The following NRXN3 variants were observed in gnomAD, a reference collection of about 807,000 sequenced individuals.
The protein encoded by NRXN3 is neurexin 3, also known as neurexin III.
Under a neutral mutation model 137.6 loss-of-function variants are expected in NRXN3, and 32 were observed. The ratio of observed to expected loss-of-function variants is 0.23; its 90% CI spans 0.18 to 0.31. NRXN3 has a LOEUF of 0.31. NRXN3 is among the 10% of genes least tolerant of loss of function. The pLI is 1.00. For missense variants in NRXN3, 1,574 were observed against 2,062.5 expected, an observed-to-expected ratio of 0.76 and a Z score of 4.59; for synonymous variants, 798 against 784.5, an observed-to-expected ratio of 1.02 and a Z score of -0.29.
At chr14:79,236,304 G>A (rs1487065429) in intron 15 of NRXN3, among the ~76,000 whole-genome samples, 1 of 151,848 alleles carries the variant, frequency 6.6e-6, no homozygotes, top group Admixed American at 6.6e-5. Flanking sequence ...GGTGTATATA[G>A]GTAGGTATAT....
chr14:78,794,606 T>TTGTGTG (rs144494895), intron 8 of NRXN3, among the ~76,000 whole-genome samples: 280 of 147,088 alleles, frequency 1.9e-3, no homozygotes, highest in African/African-American at 6.7e-3. Flanking sequence ...TCTATTCTAT[T>TTGTGTG]TGTGTGTGTG....
At chr14:78,504,130 T>A (rs1567781711) in intron 4 of NRXN3, among the ~76,000 whole-genome samples, 2 of 152,174 alleles carry the variant, frequency 1.3e-5, no homozygotes, top group Non-Finnish European at 2.9e-5. Context: ...GTTGATCTAT[T>A]TGTACACTTT....
At chr14:79,651,761 G>A (rs1423953234) in intron 16 of NRXN3, among the ~76,000 whole-genome samples, 1 of 152,154 alleles carries the variant, frequency 6.6e-6, no homozygotes, top group Non-Finnish European at 1.5e-5. Context: ...GTCTTCTCCA[G>A]ATAGGAAAGT....
chr14:78,967,260 A>G lies in NRXN3; in HGVS notation c.2830A>G (p.Asn944Asp), dbSNP rs748479982. Residue 944 changes from asparagine to aspartate, a missense_variant, in exon 13 of 21, where the codon AAC (asparagine) becomes GAC (aspartate). Around this residue, in one of 5 missense-constraint regions of NRXN3, gnomAD observed 718 missense variants for 887.6 expected, o/e 0.81. Coordinates refer to ENST00000335750, the MANE Select transcript of NRXN3 (RefSeq NM_001330195.2). The part of the protein sequence containing the change: ...LGNGPNVIKG[N>D]SDRPLNDNQW... ...AAACGGTCCCAATGTGATCAAAGGC[A>G]ACAGTGACCGCCCCCTGAATGACAA... is the stretch of plus-strand genomic sequence containing the variant. The G allele has an allele frequency of 1.2e-6, 2 of 1,613,718 alleles. No individual in the cohort carries two copies. Among genetic ancestry groups the G allele is most frequent in the Non-Finnish European group, 8.5e-7 (1 of 1,179,956 alleles).
At chr14:79,330,705 A>C (rs1477317026) in intron 15 of NRXN3, among the ~76,000 whole-genome samples, 1 of 152,178 alleles carries the variant, frequency 6.6e-6, no homozygotes, top group Non-Finnish European at 1.5e-5. Flanking sequence ...GAAAGCATAG[A>C]GAAGAGAAAG....
intron 2 of NRXN3, among the ~76,000 whole-genome samples, chr14:78,260,843 T>C (rs1567108806): frequency 6.6e-6 from 1 of 152,168 alleles, no homozygotes; most frequent in Non-Finnish European, 1.5e-5. Context: ...AGCTTAAGAG[T>C]AGACTAATAC....
rs147076312 is a variant in NRXN3, at chr14:78,656,911, G to A, written c.1221+5585G>A. On this transcript the variant is annotated intron_variant, in intron 6 of 20. Coordinates refer to ENST00000335750, the MANE Select transcript of NRXN3 (RefSeq NM_001330195.2). ...ACAAAATCAAAATTAGCTGGGCGTG[G>A]TGGCGGGCACCTGTAGTCCCAGCTA... 6.6e-3 allele frequency among the ~76,000 whole-genome samples: 1,005 copies of A among 151,956 alleles called. 10 individuals carry two copies. Among genetic ancestry groups the A allele is most frequent in the African/African-American group, 0.023 (941 of 41,446 alleles).
intron 10 of NRXN3, among the ~76,000 whole-genome samples, chr14:78,894,256 C>A (rs1440138225): frequency 6.6e-6 from 1 of 151,954 alleles, no homozygotes; most frequent in Non-Finnish European, 1.5e-5. Context: ...AGAATGAATT[C>A]ACTCAAAACT....
intron 15 of NRXN3, among the ~76,000 whole-genome samples, chr14:79,081,724 G>A (rs549644169): frequency 6.6e-6 from 1 of 152,006 alleles, no homozygotes; most frequent in Non-Finnish European, 1.5e-5. Flanking sequence ...CTCTTATAGA[G>A]GTATGAGCAA....
At chr14:78,546,436 A>G (rs553329279) in intron 4 of NRXN3, among the ~76,000 whole-genome samples, 6 of 152,274 alleles carry the variant, frequency 3.9e-5, no homozygotes, top group African/African-American at 1.4e-4. Flanking sequence ...TTTCCATAGT[A>G]ATATTTGTTT....
chr14:78,403,919 A>C, intron 4 of NRXN3: 1 of 975,244 alleles, frequency 1.0e-6, no homozygotes. Context: ...AAGATATGTG[A>C]GCTGCGGTGG....
At chr14:78,209,538 GC>G (rs1487127636) in intron 1 of NRXN3, among the ~76,000 whole-genome samples, 1 of 152,144 alleles carries the variant, frequency 6.6e-6, no homozygotes. Context: ...TACAATCATG[GC>G]AGAAGGGGAA....
At chr14:78,901,185 G>T (rs912774650) in intron 10 of NRXN3, among the ~76,000 whole-genome samples, 1 of 151,942 alleles carries the variant, frequency 6.6e-6, no homozygotes, top group Non-Finnish European at 1.5e-5. Flanking sequence ...AACCCTTGAT[G>T]GGGGATTTGT....
At chr14:78,440,828 A>C (rs1429651855) in intron 4 of NRXN3, among the ~76,000 whole-genome samples, 1 of 152,126 alleles carries the variant, frequency 6.6e-6, no homozygotes, top group East Asian at 1.9e-4. Flanking sequence ...TGATTGTCTT[A>C]AAGGGCTCCC....
chr14:78,639,899 T>C (rs2097604371), intron 4 of NRXN3, among the ~76,000 whole-genome samples: 1 of 152,224 alleles, frequency 6.6e-6, no homozygotes, highest in Non-Finnish European at 1.5e-5. Flanking sequence ...ATACAAATAA[T>C]GATTAAGAAG....
intron 15 of NRXN3, among the ~76,000 whole-genome samples, chr14:79,114,454 G>A (rs1313705273): frequency 2.6e-5 from 4 of 152,016 alleles, no homozygotes; most frequent in South Asian, 2.1e-4. Context: ...TCCAGGAATC[G>A]AGACCTGTTG....
intron 10 of NRXN3, among the ~76,000 whole-genome samples, chr14:78,888,871 A>C (rs568291006): frequency 3.0e-4 from 44 of 146,324 alleles, no homozygotes; most frequent in South Asian, 8.7e-4. Flanking sequence ...ACACACACAC[A>C]CCCCAGATTT....
chr14:79,694,912 A>T (rs1337085480), intron 18 of NRXN3, among the ~76,000 whole-genome samples: 4 of 152,008 alleles, frequency 2.6e-5, no homozygotes, highest in African/African-American at 9.7e-5. Context: ...ACAAACAAGC[A>T]AACAGAAAAG....
intron 15 of NRXN3, chr14:78,988,366 T>C: frequency 1.9e-6 from 1 of 537,790 alleles, no homozygotes; most frequent in Non-Finnish European, 3.3e-6. Flanking sequence ...TCCCTGTGTT[T>C]TTTCTTTAGA....
Sources: gnomAD v4.1 joint callset for allele counts (sites outside exome capture counted in the v4.1 genomes callset) on GRCh38, gnomAD v4.1.1 for gene constraint, gnomAD v4.1.1 regional missense constraint, MANE v1.5 for transcripts, NCBI Gene and HGNC (gene_info 2026-07-23, HGNC 2026-07-21) for gene names.